CNBD1: variants seen among roughly 807,000 people sequenced by gnomAD.
CNBD1 encodes the protein cyclic nucleotide-binding domain-containing protein 1.
In CNBD1, 71 loss-of-function variants were observed where a neutral mutation model predicts 54.4. The ratio of observed to expected loss-of-function variants is 1.30; its 90% CI spans 1.08 to 1.59. The LOEUF (loss-of-function observed/expected upper bound fraction) is 1.59, where lower values mean the gene tolerates loss of function less well. Ranked by LOEUF, CNBD1 falls within the 40% of genes most tolerant of loss-of-function variation. The probability of loss-of-function intolerance (pLI) is 0.00; values close to 1 mark genes in which losing one functional copy is unlikely to be tolerated. For synonymous variants in CNBD1, 182 were observed against 170.7 expected (o/e 1.07, Z -0.51); for missense variants, 659 against 518.0 (o/e 1.27, Z -2.64).
At chr8:87,149,965 G>A (rs772791489) in intron 4 of CNBD1, among the ~76,000 whole-genome samples, 5 of 152,076 alleles carry the variant, frequency 3.3e-5, no homozygotes, top group Non-Finnish European at 5.9e-5. Context: ...CATGAGGTCA[G>A]GAGATCGAGA....
chr8:87,412,398 G>A (rs904863888), intron 2 of CNBD1, among the ~76,000 whole-genome samples: 26 of 152,052 alleles, frequency 1.7e-4, no homozygotes, highest in Non-Finnish European at 3.2e-4. Flanking sequence ...ATATGACCAG[G>A]ATTTGCTTCT....
rs149073080 is a variant in CNBD1 at position 86,994,534 on chromosome 8, A to T, written c.431+54780A>T. On this transcript the variant is annotated intron_variant, in intron 4 of 10. Transcript: ENST00000518476. ...CTGTCTCTGCCTACTCTCTGGGAAG[A>T]TTAGCCTGCTATTTCAAATGTCCAT... 2.9e-3 allele frequency among the ~76,000 whole-genome samples: 443 copies of T among 152,334 alleles called. 8 individuals are homozygous for T. The highest frequency in any genetic ancestry group is 0.01 in the African/African-American group (430 of 41,580).
Position 87,285,821 on chromosome 8 carries a change from G to T in CNBD1, c.910-718G>T, listed in dbSNP as rs532733531. ...GGAAGTGGAGTTTGTGGTGAGGAAA[G>T]ATCGCACCATTGCACTCCAGCCTGG... On this transcript the variant is annotated intron_variant, in intron 7 of 10. Coordinates refer to ENST00000518476, the MANE Select transcript of CNBD1 (RefSeq NM_173538.3). Among the ~76,000 whole-genome samples, 9 of 152,308 alleles carry T rather than the reference G, an allele frequency of 5.9e-5. No homozygotes were observed. The South Asian group carries it at 8.3e-4, about 14-fold the overall frequency.
intron 4 of CNBD1, among the ~76,000 whole-genome samples, chr8:87,195,430 G>A (rs1813698268): frequency 6.6e-6 from 1 of 151,438 alleles, no homozygotes; most frequent in Non-Finnish European, 1.5e-5. Flanking sequence ...GTTTCACCAT[G>A]TTGGCCAGGC....
intron 4 of CNBD1, among the ~76,000 whole-genome samples, chr8:87,106,621 T>A (rs1170696765): frequency 6.6e-6 from 1 of 152,222 alleles, no homozygotes; most frequent in Non-Finnish European, 1.5e-5. Flanking sequence ...TAATTAAACT[T>A]CTGTATCCAT....
intron 2 of CNBD1, among the ~76,000 whole-genome samples, chr8:87,412,637 C>A (rs1174955322): frequency 6.6e-6 from 1 of 151,924 alleles, no homozygotes; most frequent in Non-Finnish European, 1.5e-5. Context: ...TTGTGTTAAG[C>A]AAAAAGTGGC....
chr8:87,017,304 T>G (rs1809375641), intron 4 of CNBD1, among the ~76,000 whole-genome samples: 1 of 152,242 alleles, frequency 6.6e-6, no homozygotes, highest in East Asian at 1.9e-4. Context: ...TGTTTTCCCC[T>G]TTCTAATACT....
intron 4 of CNBD1, among the ~76,000 whole-genome samples, chr8:87,197,186 G>C (rs79882935): frequency 0.013 from 1,923 of 152,220 alleles, 49 homozygotes; most frequent in African/African-American, 0.044. Context: ...ATGACTTTTT[G>C]CTAATCTAGT....
At chr8:87,350,285 A>G (rs1810258877) in intron 8 of CNBD1, among the ~76,000 whole-genome samples, 1 of 152,038 alleles carries the variant, frequency 6.6e-6, no homozygotes, top group African/African-American at 2.4e-5. Context: ...GTTACCATAA[A>G]TTTTTATTTA....
rs74401162 is a variant in CNBD1, at chr8:87,037,450, A to G, written c.431+97696A>G. ...TCCATTTTTCAGAAACTCATTAAGCATTAGCATTCTTCTTCTGGAATTCAT... is the reference window on the plus strand; with the variant it reads ...TCCATTTTTCAGAAACTCATTAAGCGTTAGCATTCTTCTTCTGGAATTCAT... On this transcript the variant is annotated intron_variant, in intron 4 of 10. Transcript: ENST00000518476. Among the ~76,000 whole-genome samples the G allele has an allele frequency of 6.0e-3, 910 of 152,216 alleles. 17 individuals carry two copies. The highest frequency in any genetic ancestry group is 0.021 in the African/African-American group (868 of 41,562).
At position 87,284,735 on chromosome 8, in the gene CNBD1, A is replaced by G. The variant is rs1379341129; in HGVS notation, c.829A>G (p.Thr277Ala). 2 of 1,605,094 alleles carry G rather than the reference A, an allele frequency of 1.2e-6. No homozygotes were observed. Among genetic ancestry groups the G allele is most frequent in the Non-Finnish European group, 1.7e-6 (2 of 1,175,742 alleles). ...LEVMPQNESE[T>A]QMFSVVTEDD... Reference sequence around the variant, plus strand: ...AGTTATGCCTCAGAATGAATCGGAAACACAGATGTTCTCGGTGGTGACAGA... The same window carrying G: ...AGTTATGCCTCAGAATGAATCGGAAGCACAGATGTTCTCGGTGGTGACAGA... The change falls in exon 7 of 11, where the codon ACA becomes GCA. Residue 277 changes from threonine to alanine, a missense_variant. Physicochemically the swap from Thr to Ala is moderately conservative, Grantham distance 58 (BLOSUM62 0). Transcript: ENST00000518476.
intron 4 of CNBD1, among the ~76,000 whole-genome samples, chr8:87,181,376 T>G (rs1813307874): frequency 6.6e-6 from 1 of 152,326 alleles, no homozygotes; most frequent in South Asian, 2.1e-4. Flanking sequence ...AGATTCCTTG[T>G]GCATCTCTAC....
At chr8:87,404,699 A>G (rs1297073991) in intron 2 of CNBD1, among the ~76,000 whole-genome samples, 2 of 152,056 alleles carry the variant, frequency 1.3e-5, no homozygotes. Flanking sequence ...CTGCTTGTAT[A>G]TTTGATTGAA....
intron 10 of CNBD1, among the ~76,000 whole-genome samples, chr8:87,378,795 G>T (rs979334024): frequency 3.3e-5 from 5 of 151,006 alleles, no homozygotes; most frequent in East Asian, 1.9e-4. Flanking sequence ...AGCATGGAAT[G>T]TTCTTCCATT....
chr8:87,396,672 G>T (rs1222606091), intron 2 of CNBD1, among the ~76,000 whole-genome samples: 2 of 151,108 alleles, frequency 1.3e-5, no homozygotes, highest in Admixed American at 1.3e-4. Context: ...TGTTTTCATT[G>T]ATTTGTCCCT....
At position 86,991,756 on chromosome 8, in the gene CNBD1, T is replaced by C. The variant is rs560305139; in HGVS notation, c.431+52002T>C. 5.8e-4 allele frequency among the ~76,000 whole-genome samples: 89 copies of C among 152,288 alleles called. 1 individual carries two copies. The highest frequency in any genetic ancestry group is 1.7e-3 in the African/African-American group (70 of 41,578). On this transcript the variant is annotated intron_variant, in intron 4 of 10. Transcript: ENST00000518476. Reference sequence around the variant, plus strand: ...TCAATGAATTTTTTGATTTCTGCCTTAATTTTGTTGTTCAGCCAGAAGTTA... The same window carrying C: ...TCAATGAATTTTTTGATTTCTGCCTCAATTTTGTTGTTCAGCCAGAAGTTA...
chr8:87,023,263 T>C (rs1809527119), intron 4 of CNBD1, among the ~76,000 whole-genome samples: 1 of 144,898 alleles, frequency 6.9e-6, no homozygotes, highest in African/African-American at 2.6e-5. Context: ...TAAAGCAGAC[T>C]TGATGAATCC....
At chr8:87,261,836 A>G (rs1004914864) in intron 6 of CNBD1, among the ~76,000 whole-genome samples, 19 of 152,100 alleles carry the variant, frequency 1.2e-4, no homozygotes, top group African/African-American at 4.6e-4. Flanking sequence ...AACCGTTTCT[A>G]GTAAGTTCCT....
At chr8:87,426,167 C>T (rs1157525340) in intron 2 of CNBD1, among the ~76,000 whole-genome samples, 1 of 152,236 alleles carries the variant, frequency 6.6e-6, no homozygotes, top group Non-Finnish European at 1.5e-5. Context: ...ATGCCTCGCC[C>T]TGCTTCAGCT....
Sources: gnomAD v4.1 joint callset for allele counts (sites outside exome capture counted in the v4.1 genomes callset) on GRCh38, gnomAD v4.1.1 for gene constraint, MANE v1.5 for transcripts, NCBI Gene and HGNC (gene_info 2026-07-23, HGNC 2026-07-21) for gene names.